APPL1: variants seen among roughly 807,000 people sequenced by gnomAD.
APPL1 encodes DCC-interacting protein 13-alpha.
Under a neutral mutation model 106.8 loss-of-function variants are expected in APPL1, and 42 were observed. The ratio of observed to expected loss-of-function variants is 0.39; its 90% CI spans 0.31 to 0.51. The LOEUF (loss-of-function observed/expected upper bound fraction) is 0.51. Ranked by LOEUF, APPL1 falls within the 20% of genes least tolerant of loss-of-function variation. APPL1 has a pLI of 0.75. For missense variants in APPL1, 769 were observed against 858.2 expected (o/e 0.90, Z 1.30); for synonymous variants, 263 against 281.8 (o/e 0.93, Z 0.67).
At chr3:57,235,986 A>G (rs539724271) in intron 2 of APPL1, among the ~76,000 whole-genome samples, 11 of 151,704 alleles carry the variant, frequency 7.3e-5, no homozygotes, top group African/African-American at 2.7e-4. Flanking sequence ...CCATGTCATC[A>G]CTGGTATTTT....
At chr3:57,257,167 T>C in intron 14 of APPL1, 79 bp from the exon 15 acceptor site, 3 of 1,560,604 alleles carry the variant, frequency 1.9e-6, no homozygotes, top group Middle Eastern at 1.7e-4. Flanking sequence ...AATATTGTGT[T>C]TTCTTTTTTC....
In APPL1 at chr3:57,227,859, C is replaced by A; in HGVS notation, c.-25C>A. On this transcript the variant is annotated 5_prime_UTR_variant, in exon 1 of 22. It adds an upstream start codon to the 5' untranslated region. Coordinates refer to ENST00000288266, the MANE Select transcript of APPL1 (RefSeq NM_012096.3). ...GAGCTGTGGGCGGCAGCTGCGTCTCCTGCCACCGCCCTCCCTCCGCCACGA... is the reference window on the plus strand; with the variant it reads ...GAGCTGTGGGCGGCAGCTGCGTCTCATGCCACCGCCCTCCCTCCGCCACGA... The A allele has an allele frequency of 6.9e-7, 1 of 1,456,334 alleles. No individual in the cohort carries two copies. The highest frequency in any genetic ancestry group is 9.1e-7 in the Non-Finnish European group (1 of 1,101,888). The allele number at this position is 1,456,334 out of a possible 1,614,324, so 90.2% of individuals were successfully genotyped here.
At chr3:57,255,326 G>T (rs1559511940) in intron 13 of APPL1, among the ~76,000 whole-genome samples, 1 of 152,158 alleles carries the variant, frequency 6.6e-6, no homozygotes, top group Non-Finnish European at 1.5e-5. Flanking sequence ...ATTTCTTTGG[G>T]AGGCTCTCAC....
rs777436230 is a variant in APPL1 at position 57,260,005 on chromosome 3, T to C, written c.1644T>C (p.Thr548=). The C allele has an allele frequency of 2.5e-6, 4 of 1,613,638 alleles. No individual in the cohort carries two copies. Among genetic ancestry groups the C allele is most frequent in the Admixed American group, 3.3e-5 (2 of 59,908 alleles). ...TGACAGAATCGCATTTATTAGTCACTTGTGACTGTTTAAAGTAAGTAAAAC... is the reference window on the plus strand; with the variant it reads ...TGACAGAATCGCATTTATTAGTCACCTGTGACTGTTTAAAGTAAGTAAAAC... ...FRMTESHLLV[T]CDCLKLIDPQ... is the part of the protein sequence containing the mutation. Residue 548 remains threonine (T), a synonymous_variant, in exon 17 of 22, where the codon ACT becomes ACC. Coordinates refer to ENST00000288266, the MANE Select transcript of APPL1 (RefSeq NM_012096.3).
chr3:57,240,920 G>A (rs1445735805), intron 5 of APPL1, among the ~76,000 whole-genome samples: 1 of 152,186 alleles, frequency 6.6e-6, no homozygotes, highest in East Asian at 1.9e-4. Flanking sequence ...AATTTGCCAG[G>A]AGAACAGTCA....
chr3:57,251,098 C>T (rs1432414453), intron 11 of APPL1, among the ~76,000 whole-genome samples: 18 of 150,664 alleles, frequency 1.2e-4, no homozygotes, highest in Non-Finnish European at 2.4e-4. Flanking sequence ...TGAGCCACCG[C>T]GCCCGGCCTG....
At chr3:57,247,654 A>T (rs1040430622) in intron 9 of APPL1, among the ~76,000 whole-genome samples, 177 bp downstream of exon 9, 1 of 151,994 alleles carries the variant, frequency 6.6e-6, no homozygotes, top group African/African-American at 2.4e-5. Flanking sequence ...TTTTCCACAG[A>T]TTGTGAACTT....
intron 13 of APPL1, among the ~76,000 whole-genome samples, chr3:57,254,815 G>C (rs2060826118): frequency 6.6e-6 from 1 of 152,104 alleles, no homozygotes; most frequent in African/African-American, 2.4e-5. Context: ...AATAGAGACA[G>C]GGTTTTGCCA....
Position 57,260,722 on chromosome 3 carries a change from G to C in APPL1, c.1790G>C (p.Ser597Thr). ...VLRTSSGRSE[S>T]NLSSVCYIFE... ...CGGACATCAAGCGGGAGAAGTGAAA[G>C]TAATCTGTCATCAGTCTGCTATATA... Residue 597 changes from serine to threonine, a missense_variant, in exon 19 of 22, where the codon AGT becomes ACT. Coordinates refer to ENST00000288266, the MANE Select transcript of APPL1 (RefSeq NM_012096.3). The C allele has an allele frequency of 6.2e-7, 1 of 1,612,568 alleles. No individual in the cohort carries two copies. Among genetic ancestry groups the C allele is most frequent in the Non-Finnish European group, 8.5e-7 (1 of 1,179,074 alleles).
chr3:57,270,749 A>G lies in APPL1; in HGVS notation c.*1062A>G, dbSNP rs2060931960. On this transcript the variant is annotated 3_prime_UTR_variant, in exon 22 of 22. Transcript: ENST00000288266. ...TTATATCCACAAAGGCAAATAACTA[A>G]TGTATGATAATAGAATAATTTGCAC... 1 of 152,418 alleles carries G rather than the reference A, an allele frequency of 6.6e-6. No homozygotes were observed. The highest frequency in any genetic ancestry group is 2.4e-5 in the African/African-American group (1 of 41,456). 9.4% of individuals were successfully genotyped at this position (152,418 alleles called of 1,614,324 possible).
rs960331611 is a variant in APPL1 at position 57,271,562 on chromosome 3, A to T, written c.*1875A>T. 12 of 152,212 alleles carry T rather than the reference A, an allele frequency of 7.9e-5. No individual in the cohort carries two copies. The highest frequency in any genetic ancestry group is 2.9e-4 in the African/African-American group (12 of 41,444). 9.4% of individuals were successfully genotyped at this position (152,212 alleles called of 1,614,324 possible). A position where few individuals can be genotyped will look rare whatever the true frequency, so the allele number is the denominator to read the frequency against. ...CTGTTCCATTAAGTCTTTTGTTTAT[A>T]CTACAAATTGTCACCTCACTTAGTT... On this transcript the variant is annotated 3_prime_UTR_variant, in exon 22 of 22. Coordinates refer to ENST00000288266, the MANE Select transcript of APPL1 (RefSeq NM_012096.3).
Position 57,238,621 on chromosome 3 carries a change from A to G in APPL1, c.285+505A>G, listed in dbSNP as rs2060729611. 2.6e-5 allele frequency among the ~76,000 whole-genome samples: 4 copies of G among 152,258 alleles called. No homozygotes were observed. The South Asian group carries it at 6.2e-4, about 24-fold the overall frequency. Reference sequence around the variant, plus strand: ...GTTAACTGTTCTCTACTGTTGCAGTAAAACCTCTTCTTTTCACATGGACCA... The same window carrying G: ...GTTAACTGTTCTCTACTGTTGCAGTGAAACCTCTTCTTTTCACATGGACCA... On this transcript the variant is annotated intron_variant, in intron 4 of 21. Coordinates refer to ENST00000288266, the MANE Select transcript of APPL1 (RefSeq NM_012096.3).
chr3:57,265,703 A>T (rs2060891301), intron 19 of APPL1, among the ~76,000 whole-genome samples: 2 of 152,178 alleles, frequency 1.3e-5, no homozygotes, highest in South Asian at 4.1e-4. Context: ...GCAAACAAGG[A>T]TAGTTTGACT....
intron 7 of APPL1, among the ~76,000 whole-genome samples, chr3:57,243,452 C>T (rs934479821): frequency 1.3e-5 from 2 of 152,154 alleles, no homozygotes; most frequent in African/African-American, 4.8e-5. Context: ...ATGTCTTTCT[C>T]CAGCATCTAG....
chr3:57,263,070 C>CA (rs2060875916), intron 19 of APPL1, among the ~76,000 whole-genome samples: 1 of 151,262 alleles, frequency 6.6e-6, no homozygotes, highest in Admixed American at 6.6e-5. Context: ...AGGCTGGTCT[C>CA]AAACTCTCGA....
At chr3:57,230,205 C>G (rs1037533738) in intron 1 of APPL1, among the ~76,000 whole-genome samples, 7 of 151,504 alleles carry the variant, frequency 4.6e-5, no homozygotes, top group South Asian at 4.1e-4. Flanking sequence ...CTAGGGTTGA[C>G]GAGGTTTTTA....
Position 57,269,759 on chromosome 3 carries a change from C to G in APPL1, c.*72C>G, listed in dbSNP as rs2060923149. 3.3e-6 allele frequency: 5 copies of G among 1,509,320 alleles called. No homozygotes were observed. The African/African-American group carries it at 6.9e-5, about 21-fold the overall frequency. The allele number at this position is 1,509,320 out of a possible 1,614,324, so 93.5% of individuals were successfully genotyped here. A position where few individuals can be genotyped will look rare whatever the true frequency, so the allele number is the denominator to read the frequency against. On this transcript the variant is annotated 3_prime_UTR_variant, in exon 22 of 22. Transcript: ENST00000288266. ...ATGGTGAAATGGCAGAAGGTAACAA[C>G]TATGTTGAAATATCAAGGAGGAGAT...
At chr3:57,258,835 A>C in intron 15 of APPL1, 193 bp from the exon 16 acceptor site, 1 of 476,140 alleles carries the variant, frequency 2.1e-6, no homozygotes, top group African/African-American at 2.0e-5. Flanking sequence ...AAGTGCACCA[A>C]CATTGATCAG....
At chr3:57,233,171 A>C (rs916119572) in intron 1 of APPL1, among the ~76,000 whole-genome samples, 1 of 152,230 alleles carries the variant, frequency 6.6e-6, no homozygotes, top group African/African-American at 2.4e-5. Context: ...AAGGTAAAAA[A>C]TTCAAGACAT....
Sources: allele counts gnomAD v4.1 joint callset (sites outside exome capture counted in the v4.1 genomes callset), GRCh38; gene constraint gnomAD v4.1.1; transcripts MANE v1.5; gene names NCBI Gene and HGNC (gene_info 2026-07-23, HGNC 2026-07-21).